NMNAT1: variants seen among roughly 807,000 people sequenced by gnomAD.
The protein encoded by NMNAT1 is nicotinamide/nicotinic acid mononucleotide adenylyltransferase 1.
In NMNAT1, 11 loss-of-function variants were observed where a neutral mutation model predicts 16.7. The ratio of observed to expected loss-of-function variants is 0.66; its 90% CI spans 0.41 to 1.09. The LOEUF is 1.09. Among genes scored for constraint, NMNAT1 ranks in the 50% least tolerant of loss-of-function variants. The pLI, the probability that NMNAT1 is intolerant of heterozygous loss-of-function variation, is 0.00. For synonymous variants in NMNAT1, 110 were observed against 119.8 expected (o/e 0.92, Z 0.53); for missense variants, 280 against 332.3 (o/e 0.84, Z 1.22).
At position 9,968,596 on chromosome 1, in the gene NMNAT1, G is replaced by A. The variant is rs112383244; in HGVS notation, c.-56-3422G>A. Among the ~76,000 whole-genome samples the A allele has an allele frequency of 3.7e-3, 546 of 146,138 alleles. 2 individuals are homozygous for A. The highest frequency in any genetic ancestry group is 0.013 in the African/African-American group (521 of 39,574). On this transcript the variant is annotated intron_variant, in intron 1 of 4. Transcript: ENST00000377205. ...ATCCTGGCTAACATGGTGAAACCCC[G>A]TCTGTACTAAAAATACAAAAAATAA...
chr1:9,964,321 A>G lies in NMNAT1; in HGVS notation c.-56-7697A>G, dbSNP rs1641493469. The stretch of plus-strand genomic sequence containing the variant: ...GGGCTCAAGCAATCCTCCCACCTCC[A>G]CTTCCCAAAGTGGGAAGCAGAGCCT... On this transcript the variant is annotated intron_variant, in intron 1 of 4. Transcript: ENST00000377205. Among the ~76,000 whole-genome samples the G allele has an allele frequency of 2.6e-5, 4 of 151,558 alleles. No homozygotes were observed. In the South Asian group the frequency reaches 6.3e-4, roughly 24 times the overall value.
chr1:9,969,954 C>T (rs1369250927), intron 1 of NMNAT1, among the ~76,000 whole-genome samples: 1 of 151,954 alleles, frequency 6.6e-6, no homozygotes, highest in Non-Finnish European at 1.5e-5. Flanking sequence ...CAGAACACTG[C>T]GGACAAAGAG....
At chr1:9,985,734 C>T (rs1642037348), downstream of NMNAT1, among the ~76,000 whole-genome samples, 1 of 152,212 alleles carries the variant, frequency 6.6e-6, no homozygotes, top group Non-Finnish European at 1.5e-5. Context: ...ACAGTCTCGG[C>T]TCACTGCAAC....
chr1:9,973,844 C>T (rs1016199180), intron 2 of NMNAT1, among the ~76,000 whole-genome samples: 4 of 149,080 alleles, frequency 2.7e-5, no homozygotes, highest in African/African-American at 7.4e-5. Flanking sequence ...GCCAATGTGG[C>T]GAAACCTTGA....
chr1:9,954,483 AC>A (rs1180625579), intron 1 of NMNAT1, among the ~76,000 whole-genome samples: 1 of 152,128 alleles, frequency 6.6e-6, no homozygotes, highest in African/African-American at 2.4e-5. Context: ...TGTTGGGGTT[AC>A]AGGCATGAGC....
intron 1 of NMNAT1, among the ~76,000 whole-genome samples, chr1:9,969,930 G>A (rs1468006215): frequency 6.6e-6 from 1 of 152,144 alleles, no homozygotes; most frequent in Non-Finnish European, 1.5e-5. Flanking sequence ...CTAGAGGACA[G>A]CACTGTGAAA....
chr1:9,980,891 C>T (rs977183195), intron 3 of NMNAT1, 140 bp from the exon 4 acceptor site: 21 of 748,792 alleles, frequency 2.8e-5, no homozygotes, highest in South Asian at 2.3e-4. Flanking sequence ...CTTCTGACCT[C>T]GTGATCCGCC....
chr1:9,971,124 A>G (rs1321082891), intron 1 of NMNAT1, among the ~76,000 whole-genome samples: 2 of 152,072 alleles, frequency 1.3e-5, no homozygotes, highest in Non-Finnish European at 2.9e-5. Flanking sequence ...TATCAGTGGG[A>G]GCATCGGTGC....
At chr1:9,992,072 ATACTT>A in the NMNAT1 span, among the ~76,000 whole-genome samples, 1 of 139,654 alleles carries the variant, frequency 7.2e-6, no homozygotes, top group African/African-American at 2.6e-5. Flanking sequence ...AAGTAAATAA[ATACTT>A]TAGGTTTAGA....
intron 1 of NMNAT1, among the ~76,000 whole-genome samples, chr1:9,951,971 CAT>C (rs1367728319): frequency 1.3e-5 from 2 of 152,094 alleles, no homozygotes; most frequent in East Asian, 3.9e-4. Context: ...ATATTGAAGA[CAT>C]ATTATTTACA....
chr1:9,952,879 T>C (rs896836038), intron 1 of NMNAT1, among the ~76,000 whole-genome samples: 1 of 151,944 alleles, frequency 6.6e-6, no homozygotes, highest in African/African-American at 2.4e-5. Flanking sequence ...AGAAACAGAT[T>C]CTTGAATGCA....
downstream of NMNAT1, among the ~76,000 whole-genome samples, chr1:9,986,725 T>C (rs922948753): frequency 1.4e-4 from 21 of 151,860 alleles, no homozygotes; most frequent in African/African-American, 5.1e-4. Flanking sequence ...CTACCAAAAA[T>C]ACAAAAATTA....
intron 1 of NMNAT1, among the ~76,000 whole-genome samples, chr1:9,945,639 G>T (rs932695830): frequency 6.6e-6 from 1 of 152,210 alleles, no homozygotes; most frequent in African/African-American, 2.4e-5. Flanking sequence ...GGCGGAGGTT[G>T]CAGTGAGCCG....
chr1:9,994,526 G>C, the NMNAT1 span, among the ~76,000 whole-genome samples: 2 of 152,092 alleles, frequency 1.3e-5, no homozygotes, highest in Non-Finnish European at 2.9e-5. Flanking sequence ...TGCCTCCTGG[G>C]TTCAAGCGAT....
At chr1:9,943,467 C>G (rs1262454903), upstream of NMNAT1, 3 of 152,334 alleles carry the variant, frequency 2.0e-5, no homozygotes, top group Non-Finnish European at 4.4e-5. Context: ...GGCGTCCGGG[C>G]CGCTGGTGAT....
chr1:9,974,199 ATTTGTGTGTATACACAGAT>A (rs1641755473), intron 2 of NMNAT1, among the ~76,000 whole-genome samples: 5 of 151,506 alleles, frequency 3.3e-5, no homozygotes, highest in Admixed American at 1.3e-4. Flanking sequence ...ATATGCAAAC[ATTTGTGTGTATACACAGAT>A]TTTTTTTTTT....
chr1:9,983,188 T>C lies in NMNAT1; in HGVS notation c.*487T>C, dbSNP rs1394455452. The C allele has an allele frequency of 6.6e-6, 1 of 151,972 alleles. No individual in the cohort carries two copies. The highest frequency in any genetic ancestry group is 2.4e-5 in the African/African-American group (1 of 41,134). 9.4% of individuals were successfully genotyped at this position (151,972 alleles called of 1,614,324 possible). On this transcript the variant is annotated 3_prime_UTR_variant, in exon 5 of 5. Coordinates refer to ENST00000377205, the MANE Select transcript of NMNAT1 (RefSeq NM_022787.4). ...TTATTTGTTTTTGAGATGGAGTCTCTACTAAAAATACAAAAAATTAGCCAG... is the reference window on the plus strand; with the variant it reads ...TTATTTGTTTTTGAGATGGAGTCTCCACTAAAAATACAAAAAATTAGCCAG...
chr1:9,978,459 G>T (rs556114126), intron 3 of NMNAT1, among the ~76,000 whole-genome samples: 2 of 152,172 alleles, frequency 1.3e-5, no homozygotes, highest in Non-Finnish European at 1.5e-5. Flanking sequence ...AGCAGAAATC[G>T]CAGTCAAGTC....
At chr1:9,967,853 G>A (rs1039252755) in intron 1 of NMNAT1, among the ~76,000 whole-genome samples, 13 of 152,024 alleles carry the variant, frequency 8.6e-5, no homozygotes, top group African/African-American at 1.9e-4. Flanking sequence ...GTGCATGCCT[G>A]TAGTCCCAGC....
Sources: allele counts gnomAD v4.1 joint callset (sites outside exome capture counted in the v4.1 genomes callset), GRCh38; gene constraint gnomAD v4.1.1; transcripts MANE v1.5; gene names NCBI Gene and HGNC (gene_info 2026-07-23, HGNC 2026-07-21).